The following LRP1B variants were observed in gnomAD, a reference collection of about 807,000 sequenced individuals.
LRP1B encodes the protein LDL receptor related protein 1B.
In LRP1B, 217 loss-of-function variants were observed where a neutral mutation model predicts 556.6. The ratio of observed to expected loss-of-function variants is 0.39; its 90% confidence interval spans 0.35 to 0.44. The LOEUF is 0.44. Ranked by LOEUF, LRP1B falls within the 20% of genes least tolerant of loss-of-function variation. The pLI, the probability that LRP1B is intolerant of heterozygous loss-of-function variation, is 1.00. For synonymous variants in LRP1B, 2,047 were observed against 1,865.8 expected, an observed-to-expected ratio of 1.10 and a Z score of -2.50; for missense variants, 5,053 against 5,620.8, an observed-to-expected ratio of 0.90 and a Z score of 3.23.
intron 41 of LRP1B, among the ~76,000 whole-genome samples, 182 bp downstream of exon 41, chr2:140,700,068 T>C (rs1686576759): frequency 6.9e-6 from 1 of 145,364 alleles, no homozygotes; most frequent in African/African-American, 2.5e-5. Flanking sequence ...TGCTAGCAAT[T>C]AATTGCTTCT....
intron 66 of LRP1B, among the ~76,000 whole-genome samples, chr2:140,421,101 C>G (rs547468661): frequency 1.9e-4 from 29 of 152,000 alleles, no homozygotes; most frequent in Admixed American, 1.1e-3. Context: ...GCTAAAAATA[C>G]AAAAATTAGC....
chr2:141,282,259 A>G (rs980483523), intron 3 of LRP1B, among the ~76,000 whole-genome samples: 6 of 152,018 alleles, frequency 3.9e-5, no homozygotes, highest in Non-Finnish European at 7.4e-5. Context: ...TAATAATATA[A>G]ATAAAACACT....
rs2105121319 is a variant in LRP1B at position 140,851,638 on chromosome 2, T to C, written c.4711+14A>G. Reference sequence around the variant, plus strand: ...TTTTGTTTTTATTTTCGATTAGAACTGTAAGAAATTTACCATAGCAGGTCT... The same window carrying C: ...TTTTGTTTTTATTTTCGATTAGAACCGTAAGAAATTTACCATAGCAGGTCT... On this transcript the variant is annotated intron_variant, in intron 28 of 90. Coordinates refer to ENST00000389484, the MANE Select transcript of LRP1B (RefSeq NM_018557.3). 2.5e-6 allele frequency: 4 copies of C among 1,604,122 alleles called. No homozygotes were observed. The highest frequency in any genetic ancestry group is 3.4e-6 in the Non-Finnish European group (4 of 1,176,860).
intron 9 of LRP1B, among the ~76,000 whole-genome samples, chr2:141,055,734 A>G (rs376517563): frequency 2.0e-5 from 3 of 151,898 alleles, no homozygotes; most frequent in East Asian, 3.9e-4. Flanking sequence ...TACACTGTTG[A>G]GAAGTGCTGA....
intron 1 of LRP1B, among the ~76,000 whole-genome samples, chr2:141,944,233 T>C (rs944633843): frequency 6.6e-6 from 1 of 152,204 alleles, no homozygotes; most frequent in Admixed American, 6.5e-5. Flanking sequence ...ATGGTGATGA[T>C]ACACACTAGA....
chr2:140,639,370 T>C (rs184492615), intron 41 of LRP1B, among the ~76,000 whole-genome samples: 2 of 152,338 alleles, frequency 1.3e-5, no homozygotes, highest in Admixed American at 1.3e-4. Context: ...TTTTTTACCA[T>C]GGTTGAACAC....
intron 3 of LRP1B, among the ~76,000 whole-genome samples, chr2:141,258,559 C>A (rs1048044625): frequency 1.3e-5 from 2 of 152,260 alleles, no homozygotes; most frequent in Admixed American, 6.5e-5. Context: ...CACAGATCCA[C>A]TTTGTTCTGT....
At chr2:140,637,466 A>G (rs956310308) in intron 41 of LRP1B, among the ~76,000 whole-genome samples, 3 of 152,186 alleles carry the variant, frequency 2.0e-5, no homozygotes, top group Admixed American at 6.6e-5. Context: ...GAACTATCTA[A>G]TGTGTATTTT....
chr2:141,845,556 T>C (rs1697616859), intron 1 of LRP1B, among the ~76,000 whole-genome samples: 1 of 151,876 alleles, frequency 6.6e-6, no homozygotes, highest in Admixed American at 6.6e-5. Context: ...GGGACTGCAG[T>C]GTCTGAGGCA....
At chr2:141,553,701 T>A (rs1278822828) in intron 2 of LRP1B, among the ~76,000 whole-genome samples, 1 of 134,694 alleles carries the variant, frequency 7.4e-6, no homozygotes, top group East Asian at 2.1e-4. Flanking sequence ...ATATATATTA[T>A]ATAGATCTAT....
chr2:140,662,324 G>A (rs1168605104), intron 41 of LRP1B, among the ~76,000 whole-genome samples: 1 of 151,974 alleles, frequency 6.6e-6, no homozygotes, highest in African/African-American at 2.4e-5. Flanking sequence ...TTACACATAG[G>A]TGTCTATACA....
intron 80 of LRP1B, among the ~76,000 whole-genome samples, 165 bp downstream of exon 80, chr2:140,325,597 C>T (rs949108260): frequency 6.6e-6 from 1 of 151,930 alleles, no homozygotes; most frequent in Admixed American, 6.6e-5. Context: ...TATTTTTTTC[C>T]AGTAGGAATG....
intron 82 of LRP1B, among the ~76,000 whole-genome samples, chr2:140,315,595 A>G (rs1464533797): frequency 6.6e-6 from 1 of 152,096 alleles, no homozygotes; most frequent in African/African-American, 2.4e-5. Flanking sequence ...AATTTTTTGT[A>G]GAGACAGGTT....
rs950405339 is a variant in LRP1B at position 140,782,443 on chromosome 2, C to A, written c.5360-6205G>T. ...TGCACTGAGGAAAGGCCATGTGAAACCACAGGGAGAAGACCGTCATCTACA... is the reference window on the plus strand; with the variant it reads ...TGCACTGAGGAAAGGCCATGTGAAAACACAGGGAGAAGACCGTCATCTACA... On this transcript the variant is annotated intron_variant, in intron 32 of 90. Coordinates refer to ENST00000389484, the MANE Select transcript of LRP1B (RefSeq NM_018557.3). Among the ~76,000 whole-genome samples the A allele has an allele frequency of 3.9e-5, 6 of 152,156 alleles. No homozygotes were observed. The South Asian group carries it at 1.0e-3, about 26-fold the overall frequency.
chr2:140,821,287 T>C (rs1691321296), intron 31 of LRP1B, among the ~76,000 whole-genome samples: 1 of 152,156 alleles, frequency 6.6e-6, no homozygotes, highest in South Asian at 2.1e-4. Flanking sequence ...ATTAAATGAG[T>C]AAATGAATAA....
chr2:141,514,126 C>T (rs1324308355), intron 2 of LRP1B, among the ~76,000 whole-genome samples: 1 of 152,070 alleles, frequency 6.6e-6, no homozygotes, highest in African/African-American at 2.4e-5. Context: ...CTATATATAA[C>T]CTACTTGACT....
intron 1 of LRP1B, among the ~76,000 whole-genome samples, chr2:141,823,259 A>G (rs2105733382): frequency 6.6e-6 from 1 of 152,268 alleles, no homozygotes; most frequent in African/African-American, 2.4e-5. Flanking sequence ...AAGCTTGTGA[A>G]GAGAAGCTCT....
At chr2:141,106,729 T>C (rs1700611583) in intron 7 of LRP1B, among the ~76,000 whole-genome samples, 1 of 152,140 alleles carries the variant, frequency 6.6e-6, no homozygotes, top group Admixed American at 6.5e-5. Flanking sequence ...GGGCACTCAC[T>C]CCTCTCTTAC....
At chr2:141,276,326 A>G (rs1372371536) in intron 3 of LRP1B, among the ~76,000 whole-genome samples, 1 of 151,756 alleles carries the variant, frequency 6.6e-6, no homozygotes, top group Non-Finnish European at 1.5e-5. Context: ...TTAGGGGTAC[A>G]TGTGCAGGTT....
Sources: gnomAD v4.1 joint callset for allele counts (sites outside exome capture counted in the v4.1 genomes callset) on GRCh38, gnomAD v4.1.1 for gene constraint, MANE v1.5 for transcripts, NCBI Gene and HGNC (gene_info 2026-07-23, HGNC 2026-07-21) for gene names.